The following ZFHX3 variants were observed in gnomAD, a reference collection of about 807,000 sequenced individuals.
ZFHX3 encodes zinc finger homeobox protein 3.
In ZFHX3, 42 loss-of-function variants were observed where a neutral mutation model predicts 279.1. That is an observed-to-expected ratio of 0.15 (90% CI 0.12 to 0.19). The LOEUF (loss-of-function observed/expected upper bound fraction) is 0.19, where lower values mean the gene tolerates loss of function less well. ZFHX3 is among the 10% of genes least tolerant of loss of function. ZFHX3 has a pLI of 1.00. For synonymous variants in ZFHX3, 2,293 were observed against 1,957.8 expected, an observed-to-expected ratio of 1.17 and a Z score of -4.52; for missense variants, 4,981 against 4,754.0, an observed-to-expected ratio of 1.05 and a Z score of -1.40.
intron 3 of ZFHX3, among the ~76,000 whole-genome samples, chr16:73,332,118 C>T (rs2143230130): frequency 6.6e-6 from 1 of 152,276 alleles, no homozygotes. Context: ...AAGGTTCCTT[C>T]TCAAGGAAGG....
intron 1 of ZFHX3, among the ~76,000 whole-genome samples, chr16:73,685,384 G>A (rs1323609602): frequency 1.3e-5 from 2 of 152,200 alleles, no homozygotes; most frequent in African/African-American, 4.8e-5. Context: ...TCATGATGAA[G>A]ATAGACAGGT....
intron 1 of ZFHX3, among the ~76,000 whole-genome samples, chr16:73,030,193 C>A (rs537504270): frequency 2.0e-5 from 3 of 152,326 alleles, no homozygotes; most frequent in Non-Finnish European, 4.4e-5. Context: ...TTGGAGCCCA[C>A]CCAAGGGCAA....
chr16:72,961,769 T>G (rs1961590197), intron 1 of ZFHX3, among the ~76,000 whole-genome samples: 1 of 152,224 alleles, frequency 6.6e-6, no homozygotes, highest in African/African-American at 2.4e-5. Context: ...ATGTGTCTAA[T>G]ACACACATGC....
intron 2 of ZFHX3, among the ~76,000 whole-genome samples, chr16:73,520,843 T>C (rs2019597446): frequency 6.6e-6 from 1 of 151,712 alleles, no homozygotes; most frequent in African/African-American, 2.4e-5. Flanking sequence ...TATAAAATAA[T>C]ACAGAGAAAA....
rs553828794 is a variant in ZFHX3, at chr16:72,839,784, T to C, written c.3449-9925A>G. ...GGGGTTCATGACAATGTGGGGGGGA[T>C]GAAGAAGGGGAGCTTCCCTGATGGG... On this transcript the variant is annotated intron_variant, in intron 4 of 9. Coordinates refer to ENST00000268489, the MANE Select transcript of ZFHX3 (RefSeq NM_006885.4). Among the ~76,000 whole-genome samples the C allele has an allele frequency of 2.2e-4, 34 of 152,120 alleles. No homozygotes were observed. The South Asian group carries it at 7.1e-3, about 32-fold the overall frequency.
chr16:73,495,731 C>G (rs531220252), intron 2 of ZFHX3, among the ~76,000 whole-genome samples: 2 of 152,254 alleles, frequency 1.3e-5, no homozygotes, highest in East Asian at 1.9e-4. Context: ...ATCTTAGGAC[C>G]TTGACAAGAC....
At chr16:73,205,141 C>T (rs1163138707) in intron 5 of ZFHX3, among the ~76,000 whole-genome samples, 4 of 152,136 alleles carry the variant, frequency 2.6e-5, no homozygotes, top group Admixed American at 1.3e-4. Context: ...GGACCATACT[C>T]TTGAGTGAAG....
chr16:72,839,344 T>C (rs1414614196), intron 4 of ZFHX3, among the ~76,000 whole-genome samples: 1 of 152,180 alleles, frequency 6.6e-6, no homozygotes. Context: ...TTGTACTTCA[T>C]TTAAAACGTG....
chr16:73,055,552 A>G lies in ZFHX3; in HGVS notation c.-24+2978T>C, dbSNP rs148063942. ...GCACCTTGGGTCAGATTCAAACTCA[A>G]TGTGACCCTGAGGAGAAGGCAGTCA... On this transcript the variant is annotated intron_variant, in intron 1 of 8. Transcript: ENST00000397992. 1.6e-3 allele frequency among the ~76,000 whole-genome samples: 236 copies of G among 152,202 alleles called. 2 individuals carry two copies. In the Middle Eastern group the frequency reaches 0.037, roughly 24 times the overall value.
intron 2 of ZFHX3, among the ~76,000 whole-genome samples, chr16:73,558,856 G>A (rs1200703618): frequency 6.6e-6 from 1 of 151,676 alleles, no homozygotes; most frequent in Non-Finnish European, 1.5e-5. Context: ...GGGATTACAG[G>A]CACCTGCCAC....
rs2035448944 is a variant in ZFHX3 at position 72,787,454 on chromosome 16, CGGA to C, written c.10819_10821del (p.Ser3607del). ...GACTTCCTGGAGGCGTGGGGGGAAG[CGGA>C]GGAGGGGGCGGCGGCCGACGGGGGA... On this transcript the variant is annotated inframe_deletion, in exon 10 of 10. Coordinates refer to ENST00000268489, the MANE Select transcript of ZFHX3 (RefSeq NM_006885.4). 1 of 1,146,508 alleles carries C rather than the reference CGGA, an allele frequency of 8.7e-7. No individual in the cohort carries two copies. 71.0% of individuals were successfully genotyped at this position (1,146,508 alleles called of 1,614,324 possible).
intron 5 of ZFHX3, among the ~76,000 whole-genome samples, chr16:73,191,087 C>CAT (rs1968020980): frequency 6.6e-6 from 1 of 152,046 alleles, no homozygotes; most frequent in Non-Finnish European, 1.5e-5. Flanking sequence ...AGCCTGATGT[C>CAT]ATATTCAGAG....
At chr16:73,593,377 A>T (rs1203279594) in intron 2 of ZFHX3, among the ~76,000 whole-genome samples, 7 of 152,190 alleles carry the variant, frequency 4.6e-5, no homozygotes, top group Non-Finnish European at 1.0e-4. Context: ...TAACTCAAGG[A>T]TGAGCAAACT....
At chr16:73,555,303 C>T (rs1373997554) in intron 2 of ZFHX3, among the ~76,000 whole-genome samples, 1 of 151,954 alleles carries the variant, frequency 6.6e-6, no homozygotes, top group Non-Finnish European at 1.5e-5. Context: ...TACAGGCACC[C>T]GCCACCACAC....
chr16:72,806,947 C>T (rs1027345490), intron 7 of ZFHX3: 1 of 152,126 alleles, frequency 6.6e-6, no homozygotes, highest in African/African-American at 2.4e-5. Context: ...AGAGAATTTC[C>T]CCATATCAGT....
chr16:73,478,065 G>A (rs925562376), intron 2 of ZFHX3, among the ~76,000 whole-genome samples: 3 of 152,082 alleles, frequency 2.0e-5, no homozygotes. Context: ...GAGGTCAAGA[G>A]ATCGAGAACA....
At chr16:73,611,364 G>C (rs1005543337) in intron 2 of ZFHX3, among the ~76,000 whole-genome samples, 4 of 152,076 alleles carry the variant, frequency 2.6e-5, no homozygotes, top group Admixed American at 2.6e-4. Context: ...GCTTTTTCTT[G>C]AGCACCGTAG....
intron 4 of ZFHX3, among the ~76,000 whole-genome samples, chr16:72,867,634 C>G (rs376036862): frequency 2.1e-4 from 32 of 152,146 alleles, no homozygotes; most frequent in African/African-American, 7.7e-4. Flanking sequence ...TTGATTGGAT[C>G]ATCTATTTTT....
At chr16:73,486,234 T>G (rs1004144173) in intron 2 of ZFHX3, among the ~76,000 whole-genome samples, 2 of 152,210 alleles carry the variant, frequency 1.3e-5, no homozygotes, top group African/African-American at 4.8e-5. Context: ...ACGGAGTAAA[T>G]GACTTTGTAA....
Sources: gnomAD v4.1 joint callset for allele counts (sites outside exome capture counted in the v4.1 genomes callset) on GRCh38, gnomAD v4.1.1 for gene constraint, MANE v1.5 for transcripts, NCBI Gene and HGNC (gene_info 2026-07-23, HGNC 2026-07-21) for gene names.